CBFB: variants seen among roughly 807,000 people sequenced by gnomAD.
CBFB encodes the protein CBF-beta.
In CBFB, 9 loss-of-function variants were observed where a neutral mutation model predicts 30.4. That is an observed-to-expected ratio of 0.30 (90% CI 0.18 to 0.52). The LOEUF (loss-of-function observed/expected upper bound fraction) is 0.52, where lower values mean the gene tolerates loss of function less well. Ranked by LOEUF, CBFB falls within the 20% of genes least tolerant of loss-of-function variation. The probability of loss-of-function intolerance (pLI) is 0.97; values close to 1 mark genes in which losing one functional copy is unlikely to be tolerated. For missense variants in CBFB, 170 were observed against 244.0 expected (o/e 0.70, Z 2.02); for synonymous variants, 94 against 84.0 (o/e 1.12, Z -0.65).
intron 3 of CBFB, among the ~76,000 whole-genome samples, chr16:67,047,666 AG>A (rs1271557130): frequency 3.3e-5 from 5 of 152,190 alleles, no homozygotes; most frequent in African/African-American, 4.8e-5. Context: ...CTAAGTAATG[AG>A]CCATTTGGGA....
chr16:67,097,540 C>T (rs1207110711), intron 5 of CBFB, among the ~76,000 whole-genome samples: 4 of 142,778 alleles, frequency 2.8e-5, no homozygotes, highest in Admixed American at 1.4e-4. Flanking sequence ...AGTGAAACTC[C>T]GTCTCAAAAA....
At position 67,083,916 on chromosome 16, in the gene CBFB, C is replaced by A. The variant is rs1961640482; in HGVS notation, c.495+1608C>A. Among the ~76,000 whole-genome samples the A allele has an allele frequency of 2.6e-5, 4 of 151,448 alleles. No homozygotes were observed. The South Asian group carries it at 8.4e-4, about 32-fold the overall frequency. Reference sequence around the variant, plus strand: ...AGATGCTATGGCTCACACTTGTAATCCCAGCACTTTGGGAGGCTGAGGTGG... The same window carrying A: ...AGATGCTATGGCTCACACTTGTAATACCAGCACTTTGGGAGGCTGAGGTGG... On this transcript the variant is annotated intron_variant, in intron 5 of 5. Coordinates refer to ENST00000412916, the MANE Select transcript of CBFB (RefSeq NM_022845.3).
intron 3 of CBFB, among the ~76,000 whole-genome samples, chr16:67,055,261 G>A (rs1275193801): frequency 6.6e-6 from 1 of 151,098 alleles, no homozygotes; most frequent in Non-Finnish European, 1.5e-5. Context: ...ATTCTTAACA[G>A]AAGTCTGAGT....
At chr16:67,031,823 T>G (rs1046428820) in intron 2 of CBFB, among the ~76,000 whole-genome samples, 4 of 151,808 alleles carry the variant, frequency 2.6e-5, no homozygotes, top group Non-Finnish European at 4.4e-5. Flanking sequence ...TTGTTTCGTT[T>G]TTTTTTTTTA....
chr16:67,098,805 C>T lies in CBFB; in HGVS notation c.*27C>T. On this transcript the variant is annotated 3_prime_UTR_variant, in exon 6 of 6. Coordinates refer to ENST00000412916, the MANE Select transcript of CBFB (RefSeq NM_022845.3). ...TAATAGCACAGCAGATGTGTGCTGC[C>T]CATCTTTACATACACATTGCTTCTA... 2 of 1,322,206 alleles carry T rather than the reference C, an allele frequency of 1.5e-6. No individual in the cohort carries two copies. Among genetic ancestry groups the T allele is most frequent in the Non-Finnish European group, 2.2e-6 (2 of 916,844 alleles). 81.9% of individuals were successfully genotyped at this position (1,322,206 alleles called of 1,614,324 possible). A position where few individuals can be genotyped will look rare whatever the true frequency, so the allele number is the denominator to read the frequency against.
chr16:67,082,191 G>A (rs2145771285), intron 4 of CBFB, 22 bp from the exon 5 acceptor site: 4 of 1,466,024 alleles, frequency 2.7e-6, no homozygotes, highest in Non-Finnish European at 2.7e-6. Context: ...AATTAAAATA[G>A]GTATTTCATG....
At chr16:67,056,224 C>A (rs76365947) in intron 3 of CBFB, among the ~76,000 whole-genome samples, 1 of 152,264 alleles carries the variant, frequency 6.6e-6, no homozygotes, top group East Asian at 1.9e-4. Flanking sequence ...TCCTTAAATG[C>A]AAGAAGGCCG....
At chr16:67,034,417 T>C (rs965237699) in intron 2 of CBFB, among the ~76,000 whole-genome samples, 2 of 152,222 alleles carry the variant, frequency 1.3e-5, no homozygotes, top group African/African-American at 2.4e-5. Context: ...TTTATTTTCG[T>C]CTTTATTTTC....
chr16:67,036,855 C>T, intron 3 of CBFB, 100 bp downstream of exon 3: 2 of 744,864 alleles, frequency 2.7e-6, no homozygotes, highest in Non-Finnish European at 4.8e-6. Flanking sequence ...CTGATTATAC[C>T]AGCATATGCT....
At chr16:67,062,251 C>T (rs563908584) in intron 3 of CBFB, among the ~76,000 whole-genome samples, 3 of 150,318 alleles carry the variant, frequency 2.0e-5, no homozygotes, top group Non-Finnish European at 3.0e-5. Flanking sequence ...TCACTGCAAA[C>T]TCCATCTCCC....
intron 4 of CBFB, among the ~76,000 whole-genome samples, chr16:67,069,942 T>C (rs1961170908): frequency 6.6e-6 from 1 of 152,130 alleles, no homozygotes. Flanking sequence ...TGAGCTGTGA[T>C]CGCACCACTG....
At chr16:67,082,428 A>T in intron 5 of CBFB, 120 bp downstream of exon 5, 1 of 1,271,934 alleles carries the variant, frequency 7.9e-7, no homozygotes, top group Non-Finnish European at 1.1e-6. Context: ...TTCATTTTTA[A>T]AAAGTTGTAC....
chr16:67,079,979 TC>T, intron 4 of CBFB, among the ~76,000 whole-genome samples: 1 of 152,240 alleles, frequency 6.6e-6, no homozygotes. Context: ...TCACCTGTAG[TC>T]CCAGCTACTC....
intron 3 of CBFB, among the ~76,000 whole-genome samples, chr16:67,043,024 C>T (rs1966558129): frequency 6.6e-6 from 1 of 152,142 alleles, no homozygotes. Context: ...GTGTGAGCCA[C>T]TGCGCCTGGT....
chr16:67,052,645 A>G (rs1003281699), intron 3 of CBFB, among the ~76,000 whole-genome samples: 2 of 151,962 alleles, frequency 1.3e-5, no homozygotes, highest in Non-Finnish European at 2.9e-5. Context: ...GATTCACATT[A>G]TATATTTCTG....
chr16:67,043,463 T>C (rs1309798117), intron 3 of CBFB, among the ~76,000 whole-genome samples: 1 of 152,232 alleles, frequency 6.6e-6, no homozygotes, highest in African/African-American at 2.4e-5. Context: ...ATTATAAGTA[T>C]ATACCTTACA....
At chr16:67,095,316 A>G (rs1230062526) in intron 5 of CBFB, among the ~76,000 whole-genome samples, 3 of 150,766 alleles carry the variant, frequency 2.0e-5, no homozygotes, top group Non-Finnish European at 4.4e-5. Flanking sequence ...CAGGAGATTG[A>G]GACCATCCTG....
At chr16:67,038,284 GTATA>G (rs377342177) in intron 3 of CBFB, among the ~76,000 whole-genome samples, 2 of 148,990 alleles carry the variant, frequency 1.3e-5, no homozygotes, top group Non-Finnish European at 3.0e-5. Context: ...AATCTTGTGT[GTATA>G]TATATATATA....
intron 3 of CBFB, among the ~76,000 whole-genome samples, chr16:67,045,361 C>CA (rs1393575672): frequency 1.3e-5 from 2 of 151,800 alleles, no homozygotes; most frequent in South Asian, 2.1e-4. Flanking sequence ...ACTAAAAATA[C>CA]AAAAAATTAG....
Sources: gnomAD v4.1 joint callset for allele counts (sites outside exome capture counted in the v4.1 genomes callset) on GRCh38, gnomAD v4.1.1 for gene constraint, MANE v1.5 for transcripts, NCBI Gene and HGNC (gene_info 2026-07-23, HGNC 2026-07-21) for gene names.